Variants in ROBO2 observed in about 807,000 individuals in gnomAD.
ROBO2 encodes the protein roundabout guidance receptor 2.
A neutral mutation model predicts 160.8 loss-of-function variants in ROBO2; 53 were observed. The ratio of observed to expected loss-of-function variants is 0.33; its 90% CI spans 0.26 to 0.41. The LOEUF is 0.41. Ranked by LOEUF, ROBO2 falls within the 10% of genes least tolerant of loss-of-function variation. The pLI is 1.00. For synonymous variants in ROBO2, 664 were observed against 611.7 expected (o/e 1.09, Z -1.26); for missense variants, 1,577 against 1,722.4 (o/e 0.92, Z 1.49).
At chr3:76,038,356 A>G (rs1268214007) in intron 2 of ROBO2, among the ~76,000 whole-genome samples, 1 of 151,956 alleles carries the variant, frequency 6.6e-6, no homozygotes, top group Non-Finnish European at 1.5e-5. Context: ...TTTAAAATTA[A>G]GTAGGAAAGT....
chr3:77,098,405 T>C, intron 2 of ROBO2, 65 bp downstream of exon 2: 2 of 1,509,314 alleles, frequency 1.3e-6, no homozygotes, highest in Non-Finnish European at 9.2e-7. Context: ...AGTTTTGATG[T>C]GTTCCCATAG....
At chr3:76,135,625 G>A (rs898891434) in intron 2 of ROBO2, among the ~76,000 whole-genome samples, 18 of 151,952 alleles carry the variant, frequency 1.2e-4, no homozygotes, top group Admixed American at 3.3e-4. Context: ...AGGAAGTCGC[G>A]ACTGTTCTAT....
At chr3:75,948,618 T>C (rs541011147) in intron 2 of ROBO2, among the ~76,000 whole-genome samples, 84 of 152,188 alleles carry the variant, frequency 5.5e-4, no homozygotes, top group African/African-American at 1.3e-3. Context: ...TGCTACTCCA[T>C]GACAACAGGC....
intron 2 of ROBO2, among the ~76,000 whole-genome samples, chr3:77,342,763 A>T (rs1317212104): frequency 6.6e-6 from 1 of 152,126 alleles, no homozygotes. Flanking sequence ...CCTTGTTGCA[A>T]GTACCTTTAT....
At chr3:76,174,324 T>A (rs1472722068) in intron 2 of ROBO2, among the ~76,000 whole-genome samples, 1 of 152,236 alleles carries the variant, frequency 6.6e-6, no homozygotes, top group Non-Finnish European at 1.5e-5. Flanking sequence ...GCCTGTTCAC[T>A]CTGATGATAG....
At chr3:76,319,670 G>A (rs1210077341) in intron 2 of ROBO2, among the ~76,000 whole-genome samples, 1 of 151,370 alleles carries the variant, frequency 6.6e-6, no homozygotes, top group Non-Finnish European at 1.5e-5. Flanking sequence ...CATTGAACCT[G>A]TTCTTCAAAT....
intron 2 of ROBO2, among the ~76,000 whole-genome samples, chr3:77,133,766 C>T (rs2150369373): frequency 6.6e-6 from 1 of 152,172 alleles, no homozygotes; most frequent in East Asian, 1.9e-4. Context: ...TAAGTATTTA[C>T]AAAATATAGT....
chr3:77,318,086 C>T (rs1245995713), intron 2 of ROBO2, among the ~76,000 whole-genome samples: 2 of 151,952 alleles, frequency 1.3e-5, no homozygotes, highest in Admixed American at 6.6e-5. Flanking sequence ...CTTGCTCTGT[C>T]GCCCAGGCTG....
chr3:77,334,762 T>G (rs1307140827), intron 2 of ROBO2, among the ~76,000 whole-genome samples: 3 of 152,128 alleles, frequency 2.0e-5, no homozygotes, highest in Admixed American at 6.5e-5. Flanking sequence ...TGGGTCTTAG[T>G]GAGATACAAA....
intron 2 of ROBO2, among the ~76,000 whole-genome samples, chr3:76,968,025 G>T (rs561388539): frequency 9.2e-5 from 14 of 152,156 alleles, no homozygotes; most frequent in Non-Finnish European, 1.9e-4. Flanking sequence ...TTGTGTTTTT[G>T]TTTTGTTTGC....
intron 2 of ROBO2, among the ~76,000 whole-genome samples, chr3:76,992,107 G>A (rs184636951): frequency 6.6e-6 from 1 of 151,908 alleles, no homozygotes; most frequent in East Asian, 1.9e-4. Flanking sequence ...CTATCCTGTA[G>A]TATAAGCATA....
intron 2 of ROBO2, among the ~76,000 whole-genome samples, chr3:76,573,378 G>A (rs1399474611): frequency 6.6e-6 from 1 of 152,062 alleles, no homozygotes; most frequent in Non-Finnish European, 1.5e-5. Flanking sequence ...ACCCATTTAA[G>A]AGTCAGCTGG....
intron 2 of ROBO2, among the ~76,000 whole-genome samples, chr3:76,225,305 A>G (rs2107439618): frequency 6.6e-6 from 1 of 152,284 alleles, no homozygotes; most frequent in South Asian, 2.1e-4. Flanking sequence ...TCAATGTCTT[A>G]TGTTATAGCC....
intron 21 of ROBO2, among the ~76,000 whole-genome samples, chr3:77,610,741 CAAAAAAAAA>C (rs71629658): frequency 3.0e-4 from 6 of 19,826 alleles, no homozygotes; most frequent in African/African-American, 7.6e-4. Flanking sequence ...GGCCAAAGAC[CAAAAAAAAA>C]AAAAAAAAAA....
chr3:76,353,867 C>A (rs540495464), intron 2 of ROBO2, among the ~76,000 whole-genome samples: 2 of 151,996 alleles, frequency 1.3e-5, no homozygotes, highest in Non-Finnish European at 2.9e-5. Flanking sequence ...CTTTGCATAA[C>A]AACGTCTGGG....
At chr3:76,320,565 G>A (rs144248240) in intron 2 of ROBO2, among the ~76,000 whole-genome samples, 12 of 152,228 alleles carry the variant, frequency 7.9e-5, no homozygotes, top group African/African-American at 2.2e-4. Flanking sequence ...TGGAGACAGC[G>A]GCATTTTGTG....
intron 2 of ROBO2, among the ~76,000 whole-genome samples, chr3:76,418,223 C>T (rs1331676627): frequency 1.4e-5 from 2 of 147,954 alleles, no homozygotes; most frequent in Non-Finnish European, 3.0e-5. Flanking sequence ...TAACTGTCGC[C>T]AAACAAATAG....
chr3:77,481,670 T>C lies in ROBO2; in HGVS notation c.667+451T>C, dbSNP rs6548511. ...AAGTATTTATAATTTCAACTCTTGATAAATATACTATGTATGCACACATAT... is the reference window on the plus strand; with the variant it reads ...AAGTATTTATAATTTCAACTCTTGACAAATATACTATGTATGCACACATAT... On this transcript the variant is annotated intron_variant, in intron 4 of 25. Coordinates refer to ENST00000461745, the Ensembl canonical transcript of ROBO2. Among the ~76,000 whole-genome samples, 899 of 152,278 alleles carry C rather than the reference T, an allele frequency of 5.9e-3. 14 individuals are homozygous for C. The highest frequency in any genetic ancestry group is 0.021 in the African/African-American group (854 of 41,560).
intron 2 of ROBO2, among the ~76,000 whole-genome samples, chr3:76,448,202 T>C (rs915639056): frequency 1.1e-4 from 17 of 152,144 alleles, no homozygotes; most frequent in African/African-American, 3.6e-4. Flanking sequence ...TTGCAGAAAA[T>C]TCTCTTGTGC....
Sources: gnomAD v4.1 joint callset for allele counts (sites outside exome capture counted in the v4.1 genomes callset) on GRCh38, gnomAD v4.1.1 for gene constraint, MANE v1.5 for transcripts, NCBI Gene and HGNC (gene_info 2026-07-23, HGNC 2026-07-21) for gene names.